Variants in SRGAP1 observed in about 807,000 individuals in gnomAD.
SRGAP1 encodes SLIT-ROBO Rho GTPase-activating protein 1.
Under a neutral mutation model 121.9 loss-of-function variants are expected in SRGAP1, and 43 were observed. The observed-to-expected ratio is 0.35, with a 90% CI of 0.28 to 0.46. SRGAP1 has a LOEUF of 0.46. Among genes scored for constraint, SRGAP1 ranks in the 20% least tolerant of loss-of-function variants. SRGAP1 has a pLI of 1.00. For synonymous variants in SRGAP1, 447 were observed against 485.4 expected (o/e 0.92, Z 1.04); for missense variants, 1,102 against 1,350.9 (o/e 0.82, Z 2.89).
intron 6 of SRGAP1, among the ~76,000 whole-genome samples, chr12:64,061,265 T>C (rs1200404977): frequency 1.3e-5 from 2 of 152,220 alleles, no homozygotes; most frequent in East Asian, 3.8e-4. Context: ...GGCAATCATT[T>C]ATTATTTAAG....
rs527635129 is a variant in SRGAP1, at chr12:64,147,119, G to A, written c.*4447G>A. On this transcript the variant is annotated 3_prime_UTR_variant, in exon 22 of 22. Coordinates refer to ENST00000355086, the MANE Select transcript of SRGAP1 (RefSeq NM_020762.4). ...ATAGATATTTAAAGTATAGTAAGTGGCTGTGTAACAGGAGAGACTGCTGTT... is the reference window on the plus strand; with the variant it reads ...ATAGATATTTAAAGTATAGTAAGTGACTGTGTAACAGGAGAGACTGCTGTT... The A allele has an allele frequency of 5.4e-6, 1 of 184,870 alleles. No homozygotes were observed. Among genetic ancestry groups the A allele is most frequent in the East Asian group, 1.3e-4 (1 of 7,418 alleles). The allele number at this position is 184,870 out of a possible 1,614,324, so 11.5% of individuals were successfully genotyped here. A position where few individuals can be genotyped will look rare whatever the true frequency, so the allele number is the denominator to read the frequency against.
chr12:64,003,052 A>AGAGAGAG (rs1565632426), intron 3 of SRGAP1, among the ~76,000 whole-genome samples: 1 of 93,428 alleles, frequency 1.1e-5, no homozygotes, highest in Non-Finnish European at 2.1e-5. Flanking sequence ...GAGAGAGAGA[A>AGAGAGAG]AGAGAGAAAG....
intron 21 of SRGAP1, among the ~76,000 whole-genome samples, chr12:64,136,454 C>T (rs755530063): frequency 2.8e-4 from 42 of 152,088 alleles, no homozygotes; most frequent in Non-Finnish European, 3.4e-4. Flanking sequence ...CAACTTCCAG[C>T]TATCACTGAA....
intron 14 of SRGAP1, among the ~76,000 whole-genome samples, chr12:64,096,242 CA>C (rs2036152708): frequency 6.6e-6 from 1 of 151,844 alleles, no homozygotes; most frequent in African/African-American, 2.4e-5. Context: ...TCACAGTGGG[CA>C]AAAATAATAG....
chr12:64,095,074 G>A (rs969032214), intron 13 of SRGAP1, 53 bp from the exon 14 acceptor site: 33 of 1,608,148 alleles, frequency 2.1e-5, no homozygotes, highest in Non-Finnish European at 2.5e-5. Flanking sequence ...GGAAAAGAGG[G>A]ACCTAGACAA....
intron 1 of SRGAP1, among the ~76,000 whole-genome samples, chr12:63,885,412 CCAGGAACCT>C (rs1565935722): frequency 6.6e-6 from 1 of 152,156 alleles, no homozygotes; most frequent in African/African-American, 2.4e-5. Flanking sequence ...GCACCACGCT[CCAGGAACCT>C]CTACATGTTC....
chr12:64,062,624 CT>C (rs879625798), intron 6 of SRGAP1, among the ~76,000 whole-genome samples: 7 of 151,990 alleles, frequency 4.6e-5, no homozygotes, highest in Non-Finnish European at 8.8e-5. Context: ...TCAGGCAATT[CT>C]TGTGGCTCAG....
chr12:63,995,484 T>G (rs907422012), intron 3 of SRGAP1, among the ~76,000 whole-genome samples: 1 of 152,214 alleles, frequency 6.6e-6, no homozygotes, highest in Admixed American at 6.6e-5. Context: ...TCCTATGTAC[T>G]CTGTTGGTAT....
intron 1 of SRGAP1, among the ~76,000 whole-genome samples, chr12:63,981,046 G>T (rs1021454846): frequency 7.2e-5 from 11 of 152,166 alleles, no homozygotes; most frequent in Admixed American, 6.5e-4. Flanking sequence ...TTTTCGCACA[G>T]TGATGCTCTG....
intron 1 of SRGAP1, among the ~76,000 whole-genome samples, chr12:63,925,188 G>T (rs2031213238): frequency 6.6e-6 from 1 of 152,158 alleles, no homozygotes. Flanking sequence ...TGAATTTAAA[G>T]TAGTACTGCT....
rs1292714165 is a variant in SRGAP1, at chr12:64,148,852, C to T, written c.*6180C>T. The T allele has an allele frequency of 6.6e-6, 1 of 152,172 alleles. No homozygotes were observed. The highest frequency in any genetic ancestry group is 2.4e-5 in the African/African-American group (1 of 41,434). 9.4% of individuals were successfully genotyped at this position (152,172 alleles called of 1,614,324 possible). A position where few individuals can be genotyped will look rare whatever the true frequency, so the allele number is the denominator to read the frequency against. ...TAAGCAATAGCACATTATCAGCATC[C>T]CAGAAGCTACTGTGCTCATGCCTCT... is the stretch of plus-strand genomic sequence containing the variant. On this transcript the variant is annotated 3_prime_UTR_variant, in exon 22 of 22. Transcript: ENST00000355086.
intron 1 of SRGAP1, among the ~76,000 whole-genome samples, chr12:63,923,713 T>A (rs2031153886): frequency 6.6e-6 from 1 of 152,226 alleles, no homozygotes; most frequent in Non-Finnish European, 1.5e-5. Context: ...ATCAAAAAAC[T>A]TGTTAATTTC....
chr12:63,865,548 T>C (rs1446348799), intron 1 of SRGAP1, among the ~76,000 whole-genome samples: 1 of 152,172 alleles, frequency 6.6e-6, no homozygotes, highest in Non-Finnish European at 1.5e-5. Flanking sequence ...TCCTGCTGGT[T>C]GTGGAAGTGT....
At chr12:64,005,681 C>T (rs1281785989) in intron 3 of SRGAP1, among the ~76,000 whole-genome samples, 1 of 151,596 alleles carries the variant, frequency 6.6e-6, no homozygotes, top group African/African-American at 2.4e-5. Context: ...AGTTTTAACT[C>T]TTTAGCTCTA....
chr12:63,861,717 G>A lies in SRGAP1; in HGVS notation c.67+16834G>A, dbSNP rs2136267302. Among the ~76,000 whole-genome samples, 2 of 152,244 alleles carry A rather than the reference G, an allele frequency of 1.3e-5. 1 individual carries two copies. Among genetic ancestry groups the A allele is most frequent in the South Asian group, 4.2e-4 (2 of 4,814 alleles). ...AAAAATATGTTTTAGGCCAGGAGTG[G>A]TGGCTTATTCCGTAATCCCAACACT... On this transcript the variant is annotated intron_variant, in intron 1 of 21. Transcript: ENST00000355086.
chr12:64,099,974 C>G (rs929220361), intron 15 of SRGAP1, among the ~76,000 whole-genome samples: 2 of 152,140 alleles, frequency 1.3e-5, no homozygotes, highest in Admixed American at 6.5e-5. Flanking sequence ...TTACCACTTT[C>G]CAACTTTGTA....
intron 7 of SRGAP1, among the ~76,000 whole-genome samples, chr12:64,063,957 T>C (rs186692856): frequency 5.7e-4 from 86 of 151,832 alleles, no homozygotes; most frequent in African/African-American, 1.8e-3. Context: ...TATATATATA[T>C]ACACATATAA....
intron 4 of SRGAP1, among the ~76,000 whole-genome samples, chr12:64,035,848 G>A (rs1383006738): frequency 1.3e-5 from 2 of 152,136 alleles, no homozygotes; most frequent in African/African-American, 4.8e-5. Flanking sequence ...TCTGCTTAGA[G>A]CCTGGATATG....
At chr12:63,930,854 A>T (rs1284219119) in intron 1 of SRGAP1, among the ~76,000 whole-genome samples, 2 of 152,246 alleles carry the variant, frequency 1.3e-5, no homozygotes, top group Non-Finnish European at 2.9e-5. Flanking sequence ...TTTACATTAA[A>T]AGATGAATAT....
Sources: allele counts gnomAD v4.1 joint callset (sites outside exome capture counted in the v4.1 genomes callset), GRCh38; gene constraint gnomAD v4.1.1; transcripts MANE v1.5; gene names NCBI Gene and HGNC (gene_info 2026-07-23, HGNC 2026-07-21).